Variants in KMT2C observed in about 807,000 individuals in gnomAD.
The protein encoded by KMT2C is lysine methyltransferase 2C.
KMT2C carries 88 observed loss-of-function variants against 507.9 expected under a neutral mutation model. The observed-to-expected ratio is 0.17, with a 90% CI of 0.15 to 0.21. The LOEUF (loss-of-function observed/expected upper bound fraction) is 0.21, where lower values mean the gene tolerates loss of function less well. KMT2C is among the 10% of genes least tolerant of loss of function. The pLI, the probability that KMT2C is intolerant of heterozygous loss-of-function variation, is 1.00. For missense variants in KMT2C, 4,954 were observed against 5,957.8 expected (o/e 0.83, Z 5.55); for synonymous variants, 2,049 against 2,080.8 (o/e 0.98, Z 0.42).
At chr7:152,250,667 A>G (rs929446581) in intron 12 of KMT2C, among the ~76,000 whole-genome samples, 186 bp downstream of exon 12, 5 of 152,238 alleles carry the variant, frequency 3.3e-5, no homozygotes, top group African/African-American at 1.2e-4. Context: ...TTAAGTCTAG[A>G]TGGTAGCTGA....
chr7:152,176,742 T>C lies in KMT2C; in HGVS notation c.8711A>G (p.Asp2904Gly). 6.2e-7 allele frequency: 1 copy of C among 1,614,166 alleles called. No homozygotes were observed. The highest frequency in any genetic ancestry group is 8.5e-7 in the Non-Finnish European group (1 of 1,180,028). ...AGTTATGCCACAAGAGTTTATTACA[T>C]CTTGAGCAGGTAGTTGAGTGGATGC... ...IQASTQLPAQDVINSCGITGS... is the reference protein window; with the variant it reads ...IQASTQLPAQGVINSCGITGS... The change falls in exon 38 of 59, where the codon GAT (aspartate) becomes GGT (glycine). Residue 2904 changes from aspartate to glycine, a missense_variant. By Grantham distance (94) the Asp-to-Gly change is moderately conservative. This residue lies in a region of KMT2C where 1,689 missense variants were observed against 1,654.3 expected (regional missense o/e 1.02). Transcript: ENST00000262189.
At chr7:152,425,670 T>C (rs2097809465) in intron 1 of KMT2C, among the ~76,000 whole-genome samples, 1 of 152,152 alleles carries the variant, frequency 6.6e-6, no homozygotes, top group South Asian at 2.1e-4. Context: ...TATGTTTCAT[T>C]TTGTCATTTT....
intron 33 of KMT2C, among the ~76,000 whole-genome samples, chr7:152,186,132 C>T (rs1337265655): frequency 6.6e-6 from 1 of 151,980 alleles, no homozygotes; most frequent in Non-Finnish European, 1.5e-5. Context: ...AATGAAGAAG[C>T]CTGGGTAAGA....
intron 15 of KMT2C, among the ~76,000 whole-genome samples, chr7:152,237,377 C>G (rs1456363748): frequency 2.0e-5 from 3 of 152,158 alleles, no homozygotes; most frequent in Non-Finnish European, 2.9e-5. Context: ...AGCCAGCTCC[C>G]AGTTTCAAAC....
chr7:152,385,684 A>G (rs1036135963), intron 1 of KMT2C, among the ~76,000 whole-genome samples: 7 of 144,900 alleles, frequency 4.8e-5, no homozygotes, highest in African/African-American at 1.8e-4. Flanking sequence ...GAATATGATG[A>G]TATTATGGAT....
chr7:152,339,669 C>G (rs938596368), intron 2 of KMT2C, among the ~76,000 whole-genome samples: 7 of 151,950 alleles, frequency 4.6e-5, no homozygotes, highest in African/African-American at 1.7e-4. Context: ...AGTTAAGAAC[C>G]CCTGTTCTGT....
At chr7:152,197,202 C>T (rs900767311) in intron 27 of KMT2C, among the ~76,000 whole-genome samples, 13 of 151,918 alleles carry the variant, frequency 8.6e-5, no homozygotes, top group African/African-American at 2.7e-4. Context: ...GGCTTTGGGA[C>T]GTATTTTGAA....
intron 3 of KMT2C, among the ~76,000 whole-genome samples, chr7:152,327,763 C>A (rs960342943): frequency 1.3e-5 from 2 of 151,918 alleles, no homozygotes; most frequent in East Asian, 3.9e-4. Flanking sequence ...TCAAGGCCAT[C>A]CTGGCTAACA....
intron 1 of KMT2C, among the ~76,000 whole-genome samples, chr7:152,404,873 T>C (rs1207029930): frequency 1.3e-5 from 2 of 151,534 alleles, no homozygotes; most frequent in South Asian, 2.2e-4. Context: ...TTTTTTGAGA[T>C]AGGGTCTCCC....
At chr7:152,266,857 T>C (rs1397196204) in intron 7 of KMT2C, among the ~76,000 whole-genome samples, 1 of 152,306 alleles carries the variant, frequency 6.6e-6, no homozygotes, top group Non-Finnish European at 1.5e-5. Context: ...TCTGACGTAC[T>C]TCATGAAGGC....
intron 33 of KMT2C, 82 bp downstream of exon 33, chr7:152,187,180 C>G: frequency 2.7e-6 from 3 of 1,098,750 alleles, no homozygotes; most frequent in Non-Finnish European, 4.1e-6. Flanking sequence ...GTTAAGCTAC[C>G]TTTCTATTGC....
At chr7:152,337,718 TA>T (rs892635309) in intron 2 of KMT2C, among the ~76,000 whole-genome samples, 26 of 147,746 alleles carry the variant, frequency 1.8e-4, no homozygotes, top group East Asian at 1.2e-3. Flanking sequence ...GATCCAAAAA[TA>T]AAAAAAAAAG....
intron 39 of KMT2C, among the ~76,000 whole-genome samples, chr7:152,173,393 G>A (rs1470333262): frequency 6.6e-6 from 1 of 151,972 alleles, no homozygotes; most frequent in Non-Finnish European, 1.5e-5. Flanking sequence ...CATTCATGAC[G>A]CTTGCTAAAA....
chr7:152,159,385 C>T (rs1563186439), intron 43 of KMT2C, among the ~76,000 whole-genome samples: 2 of 152,294 alleles, frequency 1.3e-5, no homozygotes, highest in East Asian at 3.9e-4. Flanking sequence ...ACCCCTTATT[C>T]CTGCTTACTT....
rs2129138521 is a variant in KMT2C at position 152,207,348 on chromosome 7, C to T, written c.3793G>A (p.Glu1265Lys). The T allele has an allele frequency of 6.2e-7, 1 of 1,611,306 alleles. No individual in the cohort carries two copies. The highest frequency in any genetic ancestry group is 8.5e-7 in the Non-Finnish European group (1 of 1,178,442). Residue 1265 changes from glutamate (E) to lysine (K), a missense_variant, in exon 24 of 59, where the codon GAA becomes AAA. Transcript: ENST00000262189. ...EAVDDETKGV[E>K]GTDGVKKRKR... Reference sequence around the variant, plus strand: ...CTCTTTTTGACACCATCTGTTCCTTCCACTCCCTTAGTTTCATCATCCACA... The same window carrying T: ...CTCTTTTTGACACCATCTGTTCCTTTCACTCCCTTAGTTTCATCATCCACA...
Position 152,179,994 on chromosome 7 carries a change from C to T in KMT2C, c.7282G>A (p.Val2428Ile). 1.2e-6 allele frequency: 2 copies of T among 1,614,134 alleles called. No individual in the cohort carries two copies. The highest frequency in any genetic ancestry group is 1.7e-6 in the Non-Finnish European group (2 of 1,180,038). ...GGGGGTCTGGTGAAAGCCTGGTTAACATTCTCTGGTTGCCAGTGTTGAAGA... is the reference window on the plus strand; with the variant it reads ...GGGGGTCTGGTGAAAGCCTGGTTAATATTCTCTGGTTGCCAGTGTTGAAGA... Reference protein sequence around the residue: ...GPLQHWQPENVNQAFTRPPPP... With the variant: ...GPLQHWQPENINQAFTRPPPP... The change falls in exon 37 of 59, where the codon GTT becomes ATT. Residue 2428 changes from valine to isoleucine, a missense_variant. This residue lies in a region of KMT2C where 1,689 missense variants were observed against 1,654.3 expected (regional missense o/e 1.02). Coordinates refer to ENST00000262189, the MANE Select transcript of KMT2C (RefSeq NM_170606.3).
At chr7:152,291,141 G>A (rs1439549968) in intron 6 of KMT2C, among the ~76,000 whole-genome samples, 1 of 152,088 alleles carries the variant, frequency 6.6e-6, no homozygotes, top group Non-Finnish European at 1.5e-5. Context: ...AACTTTCAAA[G>A]CTATTAAGTA....
At chr7:152,374,659 G>A (rs1038203208) in intron 1 of KMT2C, among the ~76,000 whole-genome samples, 4 of 152,038 alleles carry the variant, frequency 2.6e-5, no homozygotes, top group African/African-American at 4.8e-5. Flanking sequence ...AGCACTTTGG[G>A]AAGCCAAGGT....
At chr7:152,236,362 T>C (rs2095275033) in intron 15 of KMT2C, among the ~76,000 whole-genome samples, 1 of 152,260 alleles carries the variant, frequency 6.6e-6, no homozygotes, top group Admixed American at 6.5e-5. Flanking sequence ...GAGTACTTAC[T>C]ATGTACTAAT....
Sources: allele counts gnomAD v4.1 joint callset (sites outside exome capture counted in the v4.1 genomes callset), GRCh38; gene constraint gnomAD v4.1.1; regional missense constraint gnomAD v4.1.1; transcripts MANE v1.5; gene names NCBI Gene and HGNC (gene_info 2026-07-23, HGNC 2026-07-21).